Variants in ULK4 observed in about 807,000 individuals in gnomAD.
ULK4 encodes the protein unc-51 like kinase 4.
Under a neutral mutation model 160.6 loss-of-function variants are expected in ULK4, and 133 were observed. The ratio of observed to expected loss-of-function variants is 0.83; its 90% CI spans 0.72 to 0.96. The LOEUF (loss-of-function observed/expected upper bound fraction) is 0.96. ULK4 is among the 40% of genes least tolerant of loss of function. The pLI, the probability that ULK4 is intolerant of heterozygous loss-of-function variation, is 0.00. For synonymous variants in ULK4, 534 were observed against 539.8 expected (o/e 0.99, Z 0.15); for missense variants, 1,580 against 1,499.5 (o/e 1.05, Z -0.89).
chr3:41,732,484 G>C (rs1029220254), intron 22 of ULK4, among the ~76,000 whole-genome samples: 1 of 152,106 alleles, frequency 6.6e-6, no homozygotes, highest in Non-Finnish European at 1.5e-5. Flanking sequence ...TATTGGCATA[G>C]ATGTGAAGAA....
intron 32 of ULK4, among the ~76,000 whole-genome samples, chr3:41,492,471 T>A (rs926321797): frequency 3.3e-5 from 5 of 150,728 alleles, no homozygotes; most frequent in East Asian, 1.9e-4. Flanking sequence ...CACTGCAAAA[T>A]CATGCCAAAA....
At chr3:41,538,918 A>G (rs2086601642) in intron 32 of ULK4, among the ~76,000 whole-genome samples, 1 of 151,640 alleles carries the variant, frequency 6.6e-6, no homozygotes, top group Non-Finnish European at 1.5e-5. Context: ...TCTATTTTTT[A>G]TATATTTTAT....
At chr3:41,719,342 T>C (rs1178124528) in intron 22 of ULK4, among the ~76,000 whole-genome samples, 2 of 152,196 alleles carry the variant, frequency 1.3e-5, no homozygotes, top group Non-Finnish European at 2.9e-5. Flanking sequence ...ACAGATATCT[T>C]CCAATTACAT....
chr3:41,555,309 A>C (rs961655399), intron 32 of ULK4, among the ~76,000 whole-genome samples: 7 of 134,446 alleles, frequency 5.2e-5, no homozygotes, highest in African/African-American at 1.9e-4. Context: ...AAAGAACTTA[A>C]ACAAATGTAC....
intron 35 of ULK4, chr3:41,258,536 G>A (rs977554999): frequency 6.6e-6 from 1 of 152,192 alleles, no homozygotes. Context: ...CTGGCAGTCA[G>A]TTAGCCAAGA....
chr3:41,258,086 C>T (rs1443971025), intron 35 of ULK4, among the ~76,000 whole-genome samples: 1 of 152,140 alleles, frequency 6.6e-6, no homozygotes, highest in African/African-American at 2.4e-5. Context: ...TGAGTGTCCT[C>T]TTAGGCCGCT....
chr3:41,728,314 G>A (rs1207193425), intron 22 of ULK4, among the ~76,000 whole-genome samples: 2 of 152,158 alleles, frequency 1.3e-5, no homozygotes, highest in East Asian at 3.9e-4. Flanking sequence ...GCTGCATCTG[G>A]CAAGGATCAC....
intron 30 of ULK4, among the ~76,000 whole-genome samples, chr3:41,644,080 A>G (rs1423583709): frequency 6.6e-6 from 1 of 152,216 alleles, no homozygotes; most frequent in African/African-American, 2.4e-5. Flanking sequence ...TATCAGCTTA[A>G]GGAGATTTTG....
At chr3:41,622,693 C>CCACCATGGTACATGTATACCTATG (rs1183067767) in intron 30 of ULK4, among the ~76,000 whole-genome samples, 1 of 152,118 alleles carries the variant, frequency 6.6e-6, no homozygotes, top group Non-Finnish European at 1.5e-5. Context: ...GTGTAGCAAA[C>CCACCATGGTACATGTATACCTATG]CACCATGGTA....
At chr3:41,739,758 G>A (rs1315920382) in intron 22 of ULK4, among the ~76,000 whole-genome samples, 1 of 151,908 alleles carries the variant, frequency 6.6e-6, no homozygotes, top group Non-Finnish European at 1.5e-5. Context: ...CAGCCACCCA[G>A]GGCTTGCTCA....
At chr3:41,515,550 A>G (rs2085722081) in intron 32 of ULK4, among the ~76,000 whole-genome samples, 2 of 152,326 alleles carry the variant, frequency 1.3e-5, no homozygotes, top group South Asian at 4.1e-4. Context: ...TCTGCATGTG[A>G]GTCATGGCTG....
chr3:41,535,948 T>C (rs750952022), intron 32 of ULK4, among the ~76,000 whole-genome samples: 1 of 152,130 alleles, frequency 6.6e-6, no homozygotes, highest in Non-Finnish European at 1.5e-5. Context: ...CTTAAGACCA[T>C]CTGGACTCAT....
chr3:41,382,096 GCTGCAAATAGC>G (rs1429528689), intron 35 of ULK4, among the ~76,000 whole-genome samples: 1 of 152,118 alleles, frequency 6.6e-6, no homozygotes, highest in Non-Finnish European at 1.5e-5. Context: ...TTATCTAAAA[GCTGCAAATAGC>G]CTGTTGTCTT....
rs151052560 is a variant in ULK4, at chr3:41,554,546, C to A, written c.3226+11479G>T. Among the ~76,000 whole-genome samples, 260 of 152,134 alleles carry A rather than the reference C, an allele frequency of 1.7e-3. 1 individual carries two copies. Among genetic ancestry groups the A allele is most frequent in the Non-Finnish European group, 2.9e-3 (199 of 67,974 alleles). The stretch of plus-strand genomic sequence containing the variant: ...AAAGTAGGATGATAGTTACCAGAGG[C>A]TGGGAGGGTAAGTGTTGGTAGGCGG... On this transcript the variant is annotated intron_variant, in intron 32 of 36. Transcript: ENST00000301831.
chr3:41,612,810 A>C (rs2125679085), intron 31 of ULK4, among the ~76,000 whole-genome samples: 1 of 152,318 alleles, frequency 6.6e-6, no homozygotes, highest in African/African-American at 2.4e-5. Context: ...CCATCAGAAA[A>C]GACAGGCTCA....
chr3:41,349,211 G>A (rs1429121870), intron 35 of ULK4, among the ~76,000 whole-genome samples: 1 of 152,160 alleles, frequency 6.6e-6, no homozygotes, highest in East Asian at 1.9e-4. Context: ...CATTCACAGA[G>A]CTGGCTTTTC....
At chr3:41,295,339 C>T (rs1264412166) in intron 35 of ULK4, among the ~76,000 whole-genome samples, 1 of 133,786 alleles carries the variant, frequency 7.5e-6, no homozygotes, top group African/African-American at 2.7e-5. Context: ...GACTTACAGA[C>T]CTCAATGTGA....
chr3:41,425,549 C>A (rs1375825151), intron 34 of ULK4, among the ~76,000 whole-genome samples: 1 of 152,100 alleles, frequency 6.6e-6, no homozygotes, highest in Admixed American at 6.6e-5. Context: ...CCAGAAAGGC[C>A]AGGTCACCTA....
intron 31 of ULK4, among the ~76,000 whole-genome samples, chr3:41,590,461 CAAAAAAAAAAAA>C (rs71075479): frequency 3.5e-5 from 2 of 56,916 alleles, no homozygotes; most frequent in South Asian, 8.6e-4. Flanking sequence ...ACTAAAAATA[CAAAAAAAAAAAA>C]AAAAAAAAAA....
Sources: allele counts gnomAD v4.1 joint callset (sites outside exome capture counted in the v4.1 genomes callset), GRCh38; gene constraint gnomAD v4.1.1; transcripts MANE v1.5; gene names NCBI Gene and HGNC (gene_info 2026-07-23, HGNC 2026-07-21).